VDAC1: variants seen among roughly 807,000 people sequenced by gnomAD.
VDAC1 encodes voltage dependent anion channel 1.
In VDAC1, 10 loss-of-function variants were observed where a neutral mutation model predicts 34.7. The observed-to-expected ratio is 0.29, with a 90% CI of 0.18 to 0.49. VDAC1 has a LOEUF of 0.49. Ranked by LOEUF, VDAC1 falls within the 20% of genes least tolerant of loss-of-function variation. The pLI is 0.99. For missense variants in VDAC1, 230 were observed against 347.9 expected, an observed-to-expected ratio of 0.66 and a Z score of 2.69; for synonymous variants, 130 against 136.0, an observed-to-expected ratio of 0.96 and a Z score of 0.30.
intron 1 of VDAC1, among the ~76,000 whole-genome samples, chr5:134,004,029 C>T (rs973944635): frequency 6.6e-6 from 1 of 152,268 alleles, no homozygotes; most frequent in Non-Finnish European, 1.5e-5. Context: ...CAGGCCCGAG[C>T]TCCGGCCTCT....
the VDAC1 span, among the ~76,000 whole-genome samples, chr5:134,093,931 C>T: frequency 6.6e-6 from 1 of 152,202 alleles, no homozygotes; most frequent in Admixed American, 6.5e-5. Flanking sequence ...CTGTGAGATA[C>T]CTTTGAATGT....
chr5:134,068,912 A>C, the VDAC1 span, among the ~76,000 whole-genome samples: 1 of 151,498 alleles, frequency 6.6e-6, no homozygotes, highest in African/African-American at 2.4e-5. Context: ...AAGCTGAATC[A>C]GTACACTTAT....
At chr5:134,053,536 A>G in the VDAC1 span, among the ~76,000 whole-genome samples, 1 of 152,232 alleles carries the variant, frequency 6.6e-6, no homozygotes, top group East Asian at 1.9e-4. Context: ...GCATGGAGTC[A>G]GACCCGGAGG....
the VDAC1 span, among the ~76,000 whole-genome samples, chr5:134,114,255 C>T: frequency 6.6e-6 from 1 of 152,248 alleles, no homozygotes; most frequent in South Asian, 2.1e-4. Flanking sequence ...GGGGTACGAG[C>T]ACAGCCTCAA....
At chr5:134,037,803 C>G in the VDAC1 span, among the ~76,000 whole-genome samples, 2 of 152,138 alleles carry the variant, frequency 1.3e-5, no homozygotes, top group African/African-American at 2.4e-5. Flanking sequence ...ATGCCTCTTT[C>G]TCTCACTGCA....
chr5:134,014,181 C>A, the VDAC1 span, among the ~76,000 whole-genome samples: 1 of 151,476 alleles, frequency 6.6e-6, no homozygotes, highest in Non-Finnish European at 1.5e-5. Flanking sequence ...CCCAGCTACT[C>A]AGGAAGCTGA....
chr5:134,056,530 C>T, the VDAC1 span, among the ~76,000 whole-genome samples: 1 of 150,920 alleles, frequency 6.6e-6, no homozygotes, highest in Admixed American at 6.6e-5. Context: ...GCCTTCACCT[C>T]CTGGGCTCAA....
chr5:134,006,701 C>T (rs1413757541), upstream of VDAC1, among the ~76,000 whole-genome samples: 1 of 149,374 alleles, frequency 6.7e-6, no homozygotes, highest in Non-Finnish European at 1.5e-5. Context: ...TGAGATTGAG[C>T]CGCTGTACTC....
chr5:134,111,411 G>A, the VDAC1 span, among the ~76,000 whole-genome samples: 45 of 152,146 alleles, frequency 3.0e-4, no homozygotes, highest in African/African-American at 1.0e-3. Flanking sequence ...GAAACTCCCC[G>A]GTCACCTCCA....
At chr5:133,999,184 G>C (rs1326427670) in intron 1 of VDAC1, among the ~76,000 whole-genome samples, 1 of 152,138 alleles carries the variant, frequency 6.6e-6, no homozygotes, top group Non-Finnish European at 1.5e-5. Flanking sequence ...AGTAATAATA[G>C]AAGGATTCAG....
chr5:134,054,302 G>A, the VDAC1 span, among the ~76,000 whole-genome samples: 1 of 152,134 alleles, frequency 6.6e-6, no homozygotes, highest in Non-Finnish European at 1.5e-5. Context: ...CCAGCAGGCA[G>A]GAACAAGGTG....
the VDAC1 span, among the ~76,000 whole-genome samples, chr5:134,093,358 AGTGT>A: frequency 6.6e-6 from 1 of 151,344 alleles, no homozygotes; most frequent in Non-Finnish European, 1.5e-5. Context: ...CACGCATATA[AGTGT>A]GTGTGTGTGT....
chr5:134,068,775 G>T, the VDAC1 span, among the ~76,000 whole-genome samples: 1 of 152,088 alleles, frequency 6.6e-6, no homozygotes, highest in African/African-American at 2.4e-5. Context: ...TTTGCATATT[G>T]CTTCTTCCCC....
At chr5:134,012,200 G>A in the VDAC1 span, among the ~76,000 whole-genome samples, 1 of 152,136 alleles carries the variant, frequency 6.6e-6, no homozygotes. Context: ...CTCCTCCCAA[G>A]GCCTCCAGAA....
the VDAC1 span, among the ~76,000 whole-genome samples, chr5:134,056,427 G>A: frequency 7.2e-6 from 1 of 138,494 alleles, no homozygotes; most frequent in Non-Finnish European, 1.5e-5. Flanking sequence ...CAACAAAGCT[G>A]CACTGAATTT....
At chr5:134,003,656 C>A (rs1214211935) in intron 1 of VDAC1, among the ~76,000 whole-genome samples, 1 of 152,220 alleles carries the variant, frequency 6.6e-6, no homozygotes, top group Admixed American at 6.5e-5. Flanking sequence ...GGGCTGGATT[C>A]ACCCAAAAAG....
chr5:133,980,761 G>A lies in VDAC1; in HGVS notation c.519C>T (p.Tyr173=), dbSNP rs1213779132. The change falls in exon 6 of 9, where the codon TAC becomes TAT. Residue 173 remains tyrosine (Y), a synonymous_variant. Coordinates refer to ENST00000265333, the MANE Select transcript of VDAC1 (RefSeq NM_003374.3). The part of the protein sequence containing the change: ...RVTQSNFAVG[Y]KTDEFQLHTN... ...TGTGAAGCTGGAATTCATCAGTCTT[G>A]TAGCCAACTGCAAAGTTGCTCTGGG... 7.5e-7 allele frequency: 1 copy of A among 1,334,908 alleles called. No homozygotes were observed. The highest frequency in any genetic ancestry group is 2.2e-5 in the Admixed American group (1 of 44,834). The allele number at this position is 1,334,908 out of a possible 1,614,324, so 82.7% of individuals were successfully genotyped here.
At chr5:134,111,880 G>A in the VDAC1 span, among the ~76,000 whole-genome samples, 106 of 152,334 alleles carry the variant, frequency 7.0e-4, no homozygotes, top group African/African-American at 2.4e-3. Flanking sequence ...GAACTTAGGT[G>A]ACTTCATCTC....
At chr5:134,092,147 G>A in the VDAC1 span, among the ~76,000 whole-genome samples, 1 of 152,192 alleles carries the variant, frequency 6.6e-6, no homozygotes, top group South Asian at 2.1e-4. Context: ...GTAGAGTGGG[G>A]ATCTGAACTC....
Sources: gnomAD v4.1 joint callset for allele counts (sites outside exome capture counted in the v4.1 genomes callset) on GRCh38, gnomAD v4.1.1 for gene constraint, MANE v1.5 for transcripts, NCBI Gene and HGNC (gene_info 2026-07-23, HGNC 2026-07-21) for gene names.